The following RALYL variants were observed in gnomAD, a reference collection of about 807,000 sequenced individuals.
The protein encoded by RALYL is RALY RNA binding protein like.
Under a neutral mutation model 35.1 loss-of-function variants are expected in RALYL, and 29 were observed. That is an observed-to-expected ratio of 0.83 (90% CI 0.61 to 1.13). The LOEUF is 1.13. RALYL is among the 50% of genes most tolerant of loss of function. The pLI is 0.00. For missense variants in RALYL, 359 were observed against 360.4 expected (o/e 1.00, Z 0.03); for synonymous variants, 120 against 127.6 (o/e 0.94, Z 0.40).
intron 2 of RALYL, among the ~76,000 whole-genome samples, chr8:84,597,548 G>C (rs778166505): frequency 5.3e-5 from 8 of 151,976 alleles, no homozygotes; most frequent in Non-Finnish European, 1.2e-4. Flanking sequence ...TCAAATCCAT[G>C]CTCCATGGAT....
intron 1 of RALYL, among the ~76,000 whole-genome samples, chr8:84,187,047 A>G (rs1437111736): frequency 6.9e-6 from 1 of 144,288 alleles, no homozygotes; most frequent in Non-Finnish European, 1.5e-5. Flanking sequence ...GAAGGAGGGA[A>G]AAAAAAGTTT....
chr8:84,552,358 A>T (rs561496401), intron 2 of RALYL, among the ~76,000 whole-genome samples: 376 of 30,622 alleles, frequency 0.012, 8 homozygotes, highest in African/African-American at 0.023. Context: ...ATATATATAT[A>T]TTTTTTTTTT....
chr8:84,680,190 T>C (rs1835120141), intron 2 of RALYL, among the ~76,000 whole-genome samples: 3 of 152,226 alleles, frequency 2.0e-5, no homozygotes, highest in Admixed American at 2.0e-4. Context: ...TCATCTTTTT[T>C]ATGGCTGCAT....
At chr8:84,679,613 G>A in intron 2 of RALYL, 1 of 463,802 alleles carries the variant, frequency 2.2e-6, no homozygotes, top group East Asian at 5.9e-5. Flanking sequence ...TGAAACTGAT[G>A]CTATTGGAAG....
chr8:84,490,086 T>C (rs993259388), intron 1 of RALYL, among the ~76,000 whole-genome samples: 3 of 48,436 alleles, frequency 6.2e-5, no homozygotes, highest in African/African-American at 2.2e-4. Context: ...TGCATGTGTG[T>C]GTGTGTGTGT....
chr8:84,559,311 T>C (rs2061337695), intron 2 of RALYL, among the ~76,000 whole-genome samples: 1 of 152,056 alleles, frequency 6.6e-6, no homozygotes, highest in South Asian at 2.1e-4. Flanking sequence ...ATAATTATAC[T>C]TAGGGAAGTC....
intron 1 of RALYL, among the ~76,000 whole-genome samples, chr8:84,207,349 A>C (rs1186494035): frequency 6.6e-6 from 1 of 152,032 alleles, no homozygotes; most frequent in African/African-American, 2.4e-5. Context: ...TGTATATAAT[A>C]TACATTGTTA....
At chr8:84,222,353 T>C (rs1822445837) in intron 1 of RALYL, among the ~76,000 whole-genome samples, 1 of 152,154 alleles carries the variant, frequency 6.6e-6, no homozygotes, top group African/African-American at 2.4e-5. Flanking sequence ...CACACTAATT[T>C]TATTTATGTA....
At chr8:84,471,871 A>C (rs1194292384) in intron 1 of RALYL, among the ~76,000 whole-genome samples, 1 of 152,174 alleles carries the variant, frequency 6.6e-6, no homozygotes, top group African/African-American at 2.4e-5. Context: ...TTGGTACATA[A>C]AAAATACCAT....
chr8:84,885,175 G>T (rs1322410462), intron 7 of RALYL, among the ~76,000 whole-genome samples: 1 of 152,066 alleles, frequency 6.6e-6, no homozygotes, highest in African/African-American at 2.4e-5. Flanking sequence ...CACAATGAAT[G>T]ATATGTGGAA....
intron 1 of RALYL, among the ~76,000 whole-genome samples, chr8:84,206,507 G>A (rs537433408): frequency 6.6e-6 from 1 of 152,278 alleles, no homozygotes; most frequent in East Asian, 1.9e-4. Flanking sequence ...TATGATTAAG[G>A]ACTGAATTAG....
chr8:84,840,431 G>T (rs1832995840), intron 4 of RALYL, among the ~76,000 whole-genome samples: 1 of 152,138 alleles, frequency 6.6e-6, no homozygotes, highest in Non-Finnish European at 1.5e-5. Context: ...AAAGAAAAAA[G>T]AAATGAACAA....
At chr8:84,400,060 G>A (rs1189163984) in intron 1 of RALYL, among the ~76,000 whole-genome samples, 3 of 152,102 alleles carry the variant, frequency 2.0e-5, no homozygotes, top group Non-Finnish European at 2.9e-5. Context: ...AGGTTGCAGT[G>A]AGTCAAGATC....
At chr8:84,541,917 T>C (rs1319277890) in intron 2 of RALYL, among the ~76,000 whole-genome samples, 2 of 152,104 alleles carry the variant, frequency 1.3e-5, no homozygotes, top group Admixed American at 1.3e-4. Flanking sequence ...TTTTCATCCG[T>C]TTTAATTTCA....
intron 1 of RALYL, among the ~76,000 whole-genome samples, chr8:84,401,637 C>G (rs529364258): frequency 2.2e-3 from 39 of 17,408 alleles, no homozygotes; most frequent in Non-Finnish European, 3.9e-3. Context: ...GACTCTGTCT[C>G]AAAAAAAAAA....
At chr8:84,857,781 G>A (rs552873640) in intron 5 of RALYL, among the ~76,000 whole-genome samples, 29 of 152,248 alleles carry the variant, frequency 1.9e-4, no homozygotes, top group Admixed American at 1.8e-3. Flanking sequence ...AAATATGGAT[G>A]CTTATAAAAA....
intron 2 of RALYL, among the ~76,000 whole-genome samples, chr8:84,736,931 C>T (rs907999056): frequency 5.3e-5 from 8 of 151,964 alleles, no homozygotes; most frequent in African/African-American, 1.4e-4. Flanking sequence ...ATCCTACTTG[C>T]TATTCAACAC....
rs558523861 is a variant in RALYL at position 84,325,736 on chromosome 8, G to A, written c.-24+141312G>A. ...ATGGCCTGACTCTTAGCATTCAAAA[G>A]TATCACTTTGCTAACACCATTCTAC... On this transcript the variant is annotated intron_variant, in intron 1 of 8. Coordinates refer to ENST00000521268, the MANE Select transcript of RALYL (RefSeq NM_173848.7). 1.4e-4 allele frequency among the ~76,000 whole-genome samples: 22 copies of A among 152,296 alleles called. No homozygotes were observed. The South Asian group carries it at 4.6e-3, about 32-fold the overall frequency.
chr8:84,708,188 T>C (rs571408774), intron 2 of RALYL, among the ~76,000 whole-genome samples: 138 of 152,228 alleles, frequency 9.1e-4, no homozygotes, highest in African/African-American at 3.1e-3. Flanking sequence ...AAGGTGCATG[T>C]GGCTATGTCA....
Sources: gnomAD v4.1 joint callset for allele counts (sites outside exome capture counted in the v4.1 genomes callset) on GRCh38, gnomAD v4.1.1 for gene constraint, MANE v1.5 for transcripts, NCBI Gene and HGNC (gene_info 2026-07-23, HGNC 2026-07-21) for gene names.